The following ABCA1 variants were observed in gnomAD, a reference collection of about 807,000 sequenced individuals.
ABCA1 encodes the protein ATP binding cassette subfamily A member 1.
A neutral mutation model predicts 262.5 loss-of-function variants in ABCA1; 133 were observed. The observed-to-expected ratio is 0.51, with a 90% CI of 0.44 to 0.59. ABCA1 has a LOEUF of 0.59. Ranked by LOEUF, ABCA1 falls within the 20% of genes least tolerant of loss-of-function variation. The pLI is 0.00. For synonymous variants in ABCA1, 1,022 were observed against 1,043.5 expected, an observed-to-expected ratio of 0.98 and a Z score of 0.40; for missense variants, 2,452 against 2,777.5, an observed-to-expected ratio of 0.88 and a Z score of 2.63.
chr9:104,904,150 C>T (rs1840898370), intron 1 of ABCA1, among the ~76,000 whole-genome samples: 1 of 152,142 alleles, frequency 6.6e-6, no homozygotes, highest in East Asian at 1.9e-4. Context: ...AAAATGCCTC[C>T]CCTTACATAC....
intron 33 of ABCA1, among the ~76,000 whole-genome samples, chr9:104,802,508 G>A (rs532624683): frequency 2.8e-4 from 43 of 152,118 alleles, no homozygotes; most frequent in Non-Finnish European, 5.4e-4. Flanking sequence ...TGGGAGAGTG[G>A]GAACCCTGCA....
intron 1 of ABCA1, among the ~76,000 whole-genome samples, chr9:104,925,867 G>A (rs1414132542): frequency 2.0e-5 from 3 of 152,146 alleles, no homozygotes; most frequent in Non-Finnish European, 4.4e-5. Context: ...AACAGAAACG[G>A]AAAGTTTCTC....
chr9:104,786,921 G>A lies in ABCA1; in HGVS notation c.6260C>T (p.Ala2087Val), dbSNP rs766965502. ...PKARRFLWNC[A>V]LSVVKEGRSV... ...TCTCCCCTCCTTGACAACACTTAGG[G>A]CACAATTCCACAAGAACCGCCGGGC... The change falls in exon 47 of 50, where the codon GCC becomes GTC. Residue 2087 changes from alanine to valine, a missense_variant. Around this residue, in one of 4 missense-constraint regions of ABCA1, gnomAD observed 752 missense variants for 944.5 expected, o/e 0.80. Transcript: ENST00000374736. 9.3e-6 allele frequency: 15 copies of A among 1,613,862 alleles called. No individual in the cohort carries two copies. The South Asian group carries it at 1.5e-4, about 17-fold the overall frequency.
rs4149328 is a variant in ABCA1, at chr9:104,792,547, T to G, written c.5757+239A>C. Among the ~76,000 whole-genome samples the G allele has an allele frequency of 0.076, 11,629 of 152,214 alleles. 845 individuals are homozygous for G. The highest frequency in any genetic ancestry group is 0.18 in the African/African-American group (7,413 of 41,516). On this transcript the variant is annotated intron_variant, in intron 42 of 49. Transcript: ENST00000374736. ...TATGTTTTAATAACTAACACATAAA[T>G]GTAAGCATATAAAACCAATGTATTC...
At chr9:104,900,087 G>A (rs1360009529) in intron 2 of ABCA1, among the ~76,000 whole-genome samples, 1 of 152,222 alleles carries the variant, frequency 6.6e-6, no homozygotes, top group Non-Finnish European at 1.5e-5. Flanking sequence ...AGGAGAGGCA[G>A]GGGACCCAGG....
chr9:104,828,778 G>T, intron 15 of ABCA1, 138 bp downstream of exon 15: 1 of 993,568 alleles, frequency 1.0e-6, no homozygotes, highest in Non-Finnish European at 1.5e-6. Flanking sequence ...AACTATAAAT[G>T]GATGAAATTG....
chr9:104,824,435 A>T, intron 18 of ABCA1, 30 bp downstream of exon 18: 1 of 1,613,846 alleles, frequency 6.2e-7, no homozygotes, highest in Non-Finnish European at 8.5e-7. Flanking sequence ...CACTAGGTTA[A>T]AGAAAGAGCA....
chr9:104,794,559 A>C, intron 39 of ABCA1, 49 bp from the exon 40 acceptor site: 10 of 1,587,402 alleles, frequency 6.3e-6, no homozygotes, highest in Non-Finnish European at 8.6e-6. Context: ...GAGGGAGAAG[A>C]AACGGGTGTC....
At chr9:104,829,260 C>T (rs974680541) in intron 14 of ABCA1, 122 bp from the exon 15 acceptor site, 18 of 867,140 alleles carry the variant, frequency 2.1e-5, no homozygotes, top group African/African-American at 2.0e-4. Flanking sequence ...GAAGGACAGG[C>T]CCTCTAGACT....
intron 5 of ABCA1, among the ~76,000 whole-genome samples, chr9:104,862,558 A>G (rs1659588662): frequency 6.6e-6 from 1 of 151,738 alleles, no homozygotes; most frequent in Non-Finnish European, 1.5e-5. Flanking sequence ...CTCCTGTTTA[A>G]TGCAAAACAA....
intron 2 of ABCA1, among the ~76,000 whole-genome samples, chr9:104,896,711 C>CTTTTTTTTTTTTTTTTTTTTTT (rs56710442): frequency 2.7e-5 from 1 of 36,988 alleles, no homozygotes; most frequent in African/African-American, 1.1e-4. Context: ...CCCTACACAT[C>CTTTTTTTTTTTTTTTTTTTTTT]TTTTTTTTTT....
Position 104,884,545 on chromosome 9 carries a change from G to C in ABCA1, c.184C>G (p.Pro62Ala). 1 of 1,614,194 alleles carries C rather than the reference G, an allele frequency of 6.2e-7. No homozygotes were observed. The highest frequency in any genetic ancestry group is 8.5e-7 in the Non-Finnish European group (1 of 1,180,024). Residue 62 changes from proline (P) to alanine (A), a missense_variant, in exon 4 of 50, where the codon CCC becomes GCC. Pro to Ala is a conservative substitution (Grantham distance 27, BLOSUM62 -1). Transcript: ENST00000374736. ...HECHFPNKAM[P>A]SAGTLPWVQG... ...ACCCAAGGAAGTGTTCCTGCAGAGG[G>C]CATGGCTTTATTTGGAAAATGGCCT...
At chr9:104,831,924 G>A (rs557085022) in intron 12 of ABCA1, 97 bp from the exon 13 acceptor site, 17 of 1,072,858 alleles carry the variant, frequency 1.6e-5, no homozygotes, top group African/African-American at 6.2e-5. Flanking sequence ...CTGACTACAC[G>A]ATTGCTCATC....
chr9:104,824,032 T>C (rs1029230427), intron 18 of ABCA1, among the ~76,000 whole-genome samples: 3 of 152,156 alleles, frequency 2.0e-5, no homozygotes, highest in Non-Finnish European at 4.4e-5. Flanking sequence ...ATGATTACAT[T>C]ATGAAGCATA....
Position 104,845,472 on chromosome 9 carries a change from C to T in ABCA1, c.813+5G>A. 6.2e-7 allele frequency: 1 copy of T among 1,610,746 alleles called. No individual in the cohort carries two copies. Among genetic ancestry groups the T allele is most frequent in the South Asian group, 1.1e-5 (1 of 90,902 alleles). On this transcript the variant is annotated splice_donor_5th_base_variant and intron_variant, in intron 8 of 49. Coordinates refer to ENST00000374736, the MANE Select transcript of ABCA1 (RefSeq NM_005502.4). ...GCTTCCTGGTACTGGAAAGACACAA[C>T]TTACCTCCTGGGCCAGAGTCCCAAG... is the stretch of plus-strand genomic sequence containing the variant.
In ABCA1 at chr9:104,858,674, G is replaced by T. The variant is rs1195539471; in HGVS notation, c.568C>A (p.His190Asn). ...HKVFLQGYQL[H>N]LTSLCNGSKS... ...GATCCATTGCACAGACTTGTCAAAT[G>T]TAACTGGTAGCCTTGCAAAAATACC... Residue 190 changes from histidine to asparagine, a missense_variant, in exon 7 of 50, where the codon CAT becomes AAT. Physicochemically the swap from His to Asn is moderately conservative, Grantham distance 68 (BLOSUM62 1). Transcript: ENST00000374736. The T allele has an allele frequency of 2.5e-6, 4 of 1,614,050 alleles. No homozygotes were observed. In the African/African-American group the frequency reaches 5.3e-5, roughly 22 times the overall value.
At chr9:104,877,008 T>C (rs750142043) in intron 5 of ABCA1, among the ~76,000 whole-genome samples, 5 of 152,156 alleles carry the variant, frequency 3.3e-5, no homozygotes, top group Non-Finnish European at 5.9e-5. Context: ...TGTGTAAACA[T>C]ATTGCTAAGA....
intron 2 of ABCA1, among the ~76,000 whole-genome samples, chr9:104,893,480 GA>G: frequency 1.4e-5 from 2 of 144,204 alleles, no homozygotes; most frequent in African/African-American, 2.6e-5. Context: ...GAAATTAGGG[GA>G]AAAAAATGAA....
At chr9:104,840,893 C>T (rs2472450) in intron 8 of ABCA1, among the ~76,000 whole-genome samples, 22,028 of 152,132 alleles carry the variant, frequency 0.14, 1,874 homozygotes, top group African/African-American at 0.23. Context: ...GGCTGGGCTT[C>T]GTTTCACCGG....
Sources: gnomAD v4.1 joint callset for allele counts (sites outside exome capture counted in the v4.1 genomes callset) on GRCh38, gnomAD v4.1.1 for gene constraint, gnomAD v4.1.1 regional missense constraint, MANE v1.5 for transcripts, NCBI Gene and HGNC (gene_info 2026-07-23, HGNC 2026-07-21) for gene names.